PLCE1: variants seen among roughly 807,000 people sequenced by gnomAD.
PLCE1 encodes 1-phosphatidylinositol 4,5-bisphosphate phosphodiesterase epsilon-1.
Under a neutral mutation model 242.8 loss-of-function variants are expected in PLCE1, and 119 were observed. That is an observed-to-expected ratio of 0.49 (90% confidence interval 0.42 to 0.57). PLCE1 has a LOEUF of 0.57. Ranked by LOEUF, PLCE1 falls within the 20% of genes least tolerant of loss-of-function variation. The pLI is 0.00. For missense variants in PLCE1, 2,441 were observed against 2,788.8 expected (o/e 0.88, Z 2.81); for synonymous variants, 945 against 1,017.4 (o/e 0.93, Z 1.35).
chr10:94,177,345 T>C (rs1422353366), intron 4 of PLCE1, among the ~76,000 whole-genome samples: 1 of 152,190 alleles, frequency 6.6e-6, no homozygotes, highest in Non-Finnish European at 1.5e-5. Flanking sequence ...TATTAGACTG[T>C]GATGCACACA....
chr10:94,158,681 G>A (rs1004254221), intron 3 of PLCE1, among the ~76,000 whole-genome samples: 3 of 151,776 alleles, frequency 2.0e-5, no homozygotes, highest in South Asian at 4.2e-4. Context: ...CTTCAGAGTC[G>A]GGGGAAAAGT....
chr10:94,308,461 T>C (rs1589515489), intron 26 of PLCE1, 120 bp from the exon 27 acceptor site: 3 of 786,452 alleles, frequency 3.8e-6, no homozygotes, highest in Non-Finnish European at 6.9e-6. Context: ...GTTGGTTGCA[T>C]GCCTGTTGCC....
intron 2 of PLCE1, among the ~76,000 whole-genome samples, chr10:94,126,537 C>T (rs941773588): frequency 6.6e-6 from 1 of 152,178 alleles, no homozygotes; most frequent in African/African-American, 2.4e-5. Context: ...TGTATGTGCT[C>T]AGTAAATATA....
rs67656949 is a variant in PLCE1, at chr10:94,226,831, C to CTCTTTTTTTT, written c.1810-474_1810-473insCTTTTTTTTT. On this transcript the variant is annotated intron_variant, in intron 4 of 32. Coordinates refer to ENST00000371380, the MANE Select transcript of PLCE1 (RefSeq NM_016341.4). ...TATAAGAGATTAAGGACCTATAGGT[C>CTCTTTTTTTT]TTTTTTTTTTTTTTTTTTTTTTTTT... Among the ~76,000 whole-genome samples the CTCTTTTTTTT allele has an allele frequency of 1.8e-4, 18 of 101,822 alleles. 4 individuals carry two copies. The highest frequency in any genetic ancestry group is 1.0e-3 in the South Asian group (3 of 2,974). The allele number at this position is 101,822 out of a possible 152,430, so 66.8% of individuals were successfully genotyped here.
In PLCE1 at chr10:94,031,404, A is replaced by G; in HGVS notation, c.358A>G (p.Arg120Gly). 1 of 1,613,900 alleles carries G rather than the reference A, an allele frequency of 6.2e-7. No homozygotes were observed. Among genetic ancestry groups the G allele is most frequent in the Non-Finnish European group, 8.5e-7 (1 of 1,179,864 alleles). ...LRNHQHGLPQRQFYEMYNSVA... is the reference protein window; with the variant it reads ...LRNHQHGLPQGQFYEMYNSVA... ...AAACCATCAGCATGGCCTTCCTCAG[A>G]GACAATTTTATGAAATGTACAACTC... Residue 120 changes from arginine (R) to glycine (G), a missense_variant, in exon 2 of 33, where the codon AGA (arginine) becomes GGA (glycine). Physicochemically the swap from Arg to Gly is moderately radical, Grantham distance 125. Transcript: ENST00000371380.
At position 94,244,925 on chromosome 10, in the gene PLCE1, T is replaced by C. The variant is rs942691819; in HGVS notation, c.2421-1021T>C. ...CATGTTGCCCAGCCTGGTCTCAAAC[T>C]TCTGGGCTCAAGCAGTCTGCCTACT... On this transcript the variant is annotated intron_variant, in intron 7 of 32. Transcript: ENST00000371380. 3.3e-5 allele frequency among the ~76,000 whole-genome samples: 5 copies of C among 152,268 alleles called. No individual in the cohort carries two copies. In the East Asian group the frequency reaches 9.7e-4, roughly 29 times the overall value.
rs1338175454 is a variant in PLCE1, at chr10:94,259,024, C to T, written c.3688C>T (p.Arg1230Cys). 3 of 1,614,040 alleles carry T rather than the reference C, an allele frequency of 1.9e-6. No homozygotes were observed. The highest frequency in any genetic ancestry group is 2.2e-5 in the East Asian group (1 of 44,862). Residue 1230 changes from arginine (R) to cysteine (C), a missense_variant, in exon 13 of 33, where the codon CGC (arginine) becomes TGC (cysteine). By Grantham distance (180) the Arg-to-Cys change is radical (BLOSUM62 -3). This residue lies in a region of PLCE1 where 1,004 missense variants were observed against 1,322.7 expected (regional missense o/e 0.76). Coordinates refer to ENST00000371380, the MANE Select transcript of PLCE1 (RefSeq NM_016341.4). ...ELFKSFSVRSRKDLKDLFDVY... is the reference protein window; with the variant it reads ...ELFKSFSVRSCKDLKDLFDVY... ...CCATTCCTCATTCAGTGTCAGGAGC[C>T]GCAAGGACCTGAAGGATCTGTTTGA... is the stretch of plus-strand genomic sequence containing the variant.
rs1002063078 is a variant in PLCE1 at position 94,090,362 on chromosome 10, T to C, written c.1207-41812T>C. 3.9e-5 allele frequency among the ~76,000 whole-genome samples: 6 copies of C among 152,342 alleles called. No individual in the cohort carries two copies. The East Asian group carries it at 9.6e-4, about 24-fold the overall frequency. On this transcript the variant is annotated intron_variant, in intron 2 of 32. Coordinates refer to ENST00000371380, the MANE Select transcript of PLCE1 (RefSeq NM_016341.4). ...CTTTTCAAGAGCATATGATGTTTTA[T>C]GAGTGTTAGGGTTAAAAATTTCAAT...
chr10:94,257,368 A>C (rs941507560), intron 11 of PLCE1, among the ~76,000 whole-genome samples: 1 of 152,084 alleles, frequency 6.6e-6, no homozygotes, highest in African/African-American at 2.4e-5. Flanking sequence ...ACAAAAAAAA[A>C]CAGGTCCTCT....
chr10:94,063,034 C>T (rs1365794267), intron 2 of PLCE1, among the ~76,000 whole-genome samples: 1 of 152,128 alleles, frequency 6.6e-6, no homozygotes, highest in African/African-American at 2.4e-5. Context: ...GCCTCCCTTC[C>T]TGTTGTCTTT....
chr10:94,179,006 A>G (rs1476476591), intron 4 of PLCE1, among the ~76,000 whole-genome samples: 1 of 152,220 alleles, frequency 6.6e-6, no homozygotes, highest in Non-Finnish European at 1.5e-5. Flanking sequence ...TCACAGGATA[A>G]ACTGCTGATA....
chr10:94,029,702 G>A (rs1301099572), intron 1 of PLCE1, among the ~76,000 whole-genome samples: 1 of 152,096 alleles, frequency 6.6e-6, no homozygotes, highest in Non-Finnish European at 1.5e-5. Context: ...ACATATAGAA[G>A]GGATTAAGGG....
intron 3 of PLCE1, among the ~76,000 whole-genome samples, chr10:94,147,396 T>C (rs2047146440): frequency 6.6e-6 from 1 of 151,234 alleles, no homozygotes; most frequent in Non-Finnish European, 1.5e-5. Context: ...CACTCCAGCC[T>C]AGGCAACAGA....
chr10:94,053,002 A>G (rs549375858), intron 2 of PLCE1, among the ~76,000 whole-genome samples: 22 of 152,178 alleles, frequency 1.4e-4, no homozygotes, highest in Non-Finnish European at 2.8e-4. Flanking sequence ...AAATCCTCCC[A>G]CTGAACCTGA....
rs1476715611 is a variant in PLCE1, at chr10:94,328,742, T to C, written c.*799T>C. On this transcript the variant is annotated 3_prime_UTR_variant, in exon 33 of 33. Coordinates refer to ENST00000371380, the MANE Select transcript of PLCE1 (RefSeq NM_016341.4). ...TGTATTGTGTACCACAGTGCACTCC[T>C]CTTTAGGATTTTTTTACATATAGAA... 1 of 152,232 alleles carries C rather than the reference T, an allele frequency of 6.6e-6. No homozygotes were observed. Among genetic ancestry groups the C allele is most frequent in the African/African-American group, 2.4e-5 (1 of 41,454 alleles). The allele number at this position is 152,232 out of a possible 1,614,324, so 9.4% of individuals were successfully genotyped here.
At chr10:94,028,848 G>A (rs893166583) in intron 1 of PLCE1, among the ~76,000 whole-genome samples, 3 of 152,018 alleles carry the variant, frequency 2.0e-5, no homozygotes, top group African/African-American at 7.2e-5. Context: ...GGCTGAGGTG[G>A]GAGGATCACT....
rs2054136413 is a variant in PLCE1 at position 94,329,796 on chromosome 10, A to AAAAAC, written c.*1857_*1858insCAAAA. On this transcript the variant is annotated 3_prime_UTR_variant, in exon 33 of 33. Coordinates refer to ENST00000371380, the MANE Select transcript of PLCE1 (RefSeq NM_016341.4). ...CGTCTCAAAAAAAAAAAAAAAAAAA[A>AAAAAC]AAAAAAAAAAAAAAACACCATACAG... 1 of 150,312 alleles carries AAAAAC rather than the reference A, an allele frequency of 6.7e-6. No homozygotes were observed. Among genetic ancestry groups the AAAAAC allele is most frequent in the Non-Finnish European group, 1.5e-5 (1 of 67,854 alleles). The allele number at this position is 150,312 out of a possible 1,614,324, so 9.3% of individuals were successfully genotyped here. A position where few individuals can be genotyped will look rare whatever the true frequency, so the allele number is the denominator to read the frequency against.
chr10:94,018,086 G>A (rs1269268291), intron 1 of PLCE1, among the ~76,000 whole-genome samples: 3 of 152,156 alleles, frequency 2.0e-5, no homozygotes. Flanking sequence ...GACTTCTAGA[G>A]TACTGGTTTG....
At chr10:94,146,739 C>G (rs937915130) in intron 3 of PLCE1, among the ~76,000 whole-genome samples, 1 of 152,216 alleles carries the variant, frequency 6.6e-6, no homozygotes, top group Non-Finnish European at 1.5e-5. Flanking sequence ...CTGCCTAGCT[C>G]AAGATGGGGC....
Sources: allele counts gnomAD v4.1 joint callset (sites outside exome capture counted in the v4.1 genomes callset), GRCh38; gene constraint gnomAD v4.1.1; regional missense constraint gnomAD v4.1.1; transcripts MANE v1.5; gene names NCBI Gene and HGNC (gene_info 2026-07-23, HGNC 2026-07-21).